The following TNXB variants were observed in gnomAD, a reference collection of about 807,000 sequenced individuals.
TNXB encodes the protein tenascin XB.
Under a neutral mutation model 340.5 loss-of-function variants are expected in TNXB, and 183 were observed. The observed-to-expected ratio is 0.54, with a 90% CI of 0.48 to 0.61. The LOEUF is 0.61. Among genes scored for constraint, TNXB ranks in the 20% least tolerant of loss-of-function variants. TNXB has a pLI of 0.00. For missense variants in TNXB, 4,613 were observed against 5,446.4 expected (o/e 0.85, Z 4.82); for synonymous variants, 2,121 against 2,314.5 (o/e 0.92, Z 2.40).
chr6:32,080,368 G>A lies in TNXB; in HGVS notation c.4042+1000C>T, dbSNP rs1779367607. 6.6e-6 allele frequency among the ~76,000 whole-genome samples: 1 copy of A among 152,146 alleles called. No individual in the cohort carries two copies. Among genetic ancestry groups the A allele is most frequent in the Non-Finnish European group, 1.5e-5 (1 of 68,026 alleles). ...TGGGACTACAGGCACCTGCCACCAT[G>A]CCTGGCTAATTTTTTGTATTTTTAG... On this transcript the variant is annotated intron_variant, in intron 10 of 43. Coordinates refer to ENST00000644971, the MANE Select transcript of TNXB (RefSeq NM_001365276.2). This position sits in a 1 kb window ranked among gnomAD's most constrained non-coding sequence, Gnocchi z 4.3.
rs1779695076 is a variant in TNXB, at chr6:32,085,083, T to A, written c.3149-374A>T. 6.6e-6 allele frequency among the ~76,000 whole-genome samples: 1 copy of A among 152,084 alleles called. No homozygotes were observed. The highest frequency in any genetic ancestry group is 1.5e-5 in the Non-Finnish European group (1 of 68,008). On this transcript the variant is annotated intron_variant, in intron 7 of 43. Transcript: ENST00000644971. This position sits in a 1 kb window ranked among gnomAD's most constrained non-coding sequence, Gnocchi z 6.4. The stretch of plus-strand genomic sequence containing the variant: ...TCTCTCTTACCACCCTCTCTTCCAG[T>A]GGTGAGCTTGACCTGGAGCTGGGGG...
At chr6:32,076,854 C>T (rs1779107434) in intron 11 of TNXB, among the ~76,000 whole-genome samples, 1 of 151,944 alleles carries the variant, frequency 6.6e-6, no homozygotes, top group Non-Finnish European at 1.5e-5. Context: ...TGGTGGTGGG[C>T]GCCTGTAATC....
At position 32,096,172 on chromosome 6, in the gene TNXB, CG is replaced by C. The variant is rs1489708596; in HGVS notation, c.1680del (p.Gly562AlafsTer9). On this transcript the variant is annotated frameshift_variant, in exon 3 of 44. Transcript: ENST00000644971. LOFTEE classifies it high-confidence loss of function. ...SGEDCSTRSC[P>X]GGCRGRGQCL... ...CACTGGCCGCGGCCTCGGCAGCCCCCGGGGCAGCTGCGCGTGCTGCAGTCTT... is the reference window on the plus strand; with the variant it reads ...CACTGGCCGCGGCCTCGGCAGCCCCCGGGCAGCTGCGCGTGCTGCAGTCTT... The C allele has an allele frequency of 3.8e-6, 6 of 1,574,702 alleles. No homozygotes were observed. Among genetic ancestry groups the C allele is most frequent in the Non-Finnish European group, 4.3e-6 (5 of 1,162,742 alleles).
Position 32,081,730 on chromosome 6 carries a change from G to C in TNXB, c.3737-57C>G, listed in dbSNP as rs542100727. The C allele has an allele frequency of 1.5e-6, 2 of 1,367,998 alleles. No homozygotes were observed. Among genetic ancestry groups the C allele is most frequent in the East Asian group, 5.0e-5 (2 of 39,706 alleles). The allele number at this position is 1,367,998 out of a possible 1,614,324, so 84.7% of individuals were successfully genotyped here. A position where few individuals can be genotyped will look rare whatever the true frequency, so the allele number is the denominator to read the frequency against. ...ACTGGCAGCCTGGGACTGGGGCTTGGGGTTTCGACGGGATGTCACACCTAT... is the reference window on the plus strand; with the variant it reads ...ACTGGCAGCCTGGGACTGGGGCTTGCGGTTTCGACGGGATGTCACACCTAT... On this transcript the variant is annotated intron_variant, in intron 9 of 43. Coordinates refer to ENST00000644971, the MANE Select transcript of TNXB (RefSeq NM_001365276.2). The surrounding 1 kb of genome is among the most constrained non-coding windows in gnomAD (Gnocchi z 5.1).
rs756884084 is a variant in TNXB at position 32,068,757 on chromosome 6, G to A, written c.5903-50C>T. 2 of 1,596,552 alleles carry A rather than the reference G, an allele frequency of 1.3e-6. No homozygotes were observed. Among genetic ancestry groups the A allele is most frequent in the Non-Finnish European group, 1.7e-6 (2 of 1,169,544 alleles). On this transcript the variant is annotated intron_variant, in intron 16 of 43. Transcript: ENST00000644971. The surrounding 1 kb of genome is among the most constrained non-coding windows in gnomAD (Gnocchi z 5.3). ...GACTGAGGTGGGCAGGGTATCCGCG[G>A]GACTCTGCTGTCCTCTGGACTCTCC...
In TNXB at chr6:32,046,284, C is replaced by G; in HGVS notation, c.10497G>C (p.Gln3499His). 1 of 1,606,694 alleles carries G rather than the reference C, an allele frequency of 6.2e-7. No individual in the cohort carries two copies. The highest frequency in any genetic ancestry group is 8.5e-7 in the Non-Finnish European group (1 of 1,178,194). The change falls in exon 31 of 44, where the codon CAG becomes CAC. Residue 3499 changes from glutamine to histidine, a missense_variant. By Grantham distance (24) the Gln-to-His change is conservative. Transcript: ENST00000644971. This position sits in a 1 kb window ranked among gnomAD's most constrained non-coding sequence, Gnocchi z 6.9. Reference protein sequence around the residue: ...QPRAVPVAADQRTVTVEDLEP... With the variant: ...QPRAVPVAADHRTVTVEDLEP... The stretch of plus-strand genomic sequence containing the variant: ...CCAGGTCCTCTACGGTGACTGTGCG[C>G]TGGTCTGCGGCCACAGGCACTGCCC...
chr6:32,058,501 G>C lies in TNXB; in HGVS notation c.7493-111C>G. Reference sequence around the variant, plus strand: ...AATGTGCCCCTCCAGAGCAGGCTGAGGGCTGGGGCAGCTTTGTGTTCGCCG... The same window carrying C: ...AATGTGCCCCTCCAGAGCAGGCTGACGGCTGGGGCAGCTTTGTGTTCGCCG... On this transcript the variant is annotated intron_variant, in intron 21 of 43. Coordinates refer to ENST00000644971, the MANE Select transcript of TNXB (RefSeq NM_001365276.2). The surrounding 1 kb of genome is among the most constrained non-coding windows in gnomAD (Gnocchi z 5.1). 2 of 933,532 alleles carry C rather than the reference G, an allele frequency of 2.1e-6. No homozygotes were observed. The highest frequency in any genetic ancestry group is 1.6e-6 in the Non-Finnish European group (1 of 642,012). The allele number at this position is 933,532 out of a possible 1,614,324, so 57.8% of individuals were successfully genotyped here.
rs1204211696 is a variant in TNXB at position 32,055,846 on chromosome 6, C to A, written c.8467+5G>T. On this transcript the variant is annotated splice_donor_5th_base_variant and intron_variant, in intron 24 of 43. Coordinates refer to ENST00000644971, the MANE Select transcript of TNXB (RefSeq NM_001365276.2). ...GGGCCATCTTCCTCACTCACAAACA[C>A]TCACCTGTCACACCCACGGTGGACA... 2 of 1,607,814 alleles carry A rather than the reference C, an allele frequency of 1.2e-6. No individual in the cohort carries two copies. Among genetic ancestry groups the A allele is most frequent in the Non-Finnish European group, 1.7e-6 (2 of 1,175,480 alleles).
Position 32,042,559 on chromosome 6 carries a change from T to A in TNXB, c.12106A>T (p.Asn4036Tyr), listed in dbSNP as rs752587550. ...CTGGTCCTGGAGGCACCGGCTCCGTTCTGCATCTCCTCCCCGCAGTCCCTG... is the reference window on the plus strand; with the variant it reads ...CTGGTCCTGGAGGCACCGGCTCCGTACTGCATCTCCTCCCCGCAGTCCCTG... ...FPRDCGEEMQ[N>Y]GAGASRTSTI... The change falls in exon 40 of 44, where the codon AAC becomes TAC. Residue 4036 changes from asparagine to tyrosine, a missense_variant. Around this residue, in one of 7 missense-constraint regions of TNXB, gnomAD observed 121 missense variants for 177.4 expected, o/e 0.68. Coordinates refer to ENST00000644971, the MANE Select transcript of TNXB (RefSeq NM_001365276.2). 2 of 1,608,074 alleles carry A rather than the reference T, an allele frequency of 1.2e-6. No homozygotes were observed. The highest frequency in any genetic ancestry group is 3.4e-5 in the Admixed American group (2 of 59,362).
Position 32,087,622 on chromosome 6 carries a change from T to TGGGGGGGGGGGGGGG in TNXB, c.2779+1162_2779+1163insCCCCCCCCCCCCCCC. 3.3e-5 allele frequency: 1 copy of TGGGGGGGGGGGGGGG among 30,684 alleles called. No individual in the cohort carries two copies. The highest frequency in any genetic ancestry group is 7.9e-5 in the Non-Finnish European group (1 of 12,670). 1.9% of individuals were successfully genotyped at this position (30,684 alleles called of 1,614,324 possible). On this transcript the variant is annotated intron_variant, in intron 6 of 43. Coordinates refer to ENST00000644971, the MANE Select transcript of TNXB (RefSeq NM_001365276.2). This position sits in a 1 kb window ranked among gnomAD's most constrained non-coding sequence, Gnocchi z 9.0. ...ATCAGGGCTGGCGGTGGGGCGGGGG[T>TGGGGGGGGGGGGGGG]GGCGGGGCGGGGGTGCGGGGGAGCC...
In TNXB at chr6:32,049,466, G is replaced by A. The variant is rs376258289; in HGVS notation, c.9561C>T (p.Thr3187=). 2.8e-4 allele frequency: 459 copies of A among 1,612,588 alleles called. No individual in the cohort carries two copies. Among genetic ancestry groups the A allele is most frequent in the Non-Finnish European group, 3.5e-4 (415 of 1,179,886 alleles). ...AGGAGTCGAAGCGGCCCTGGGGGACGGTCCAGGAGAGGCTCAGCGAGTCAG... is the reference window on the plus strand; with the variant it reads ...AGGAGTCGAAGCGGCCCTGGGGGACAGTCCAGGAGAGGCTCAGCGAGTCAG... ...SSPDSLSLSW[T]VPQGRFDSFT... The change falls in exon 28 of 44, where the codon ACC becomes ACT. Residue 3187 remains threonine, a synonymous_variant. Transcript: ENST00000644971. The surrounding 1 kb of genome is among the most constrained non-coding windows in gnomAD (Gnocchi z 4.5).
Position 32,059,678 on chromosome 6 carries a change from G to A in TNXB, c.7493-1288C>T, listed in dbSNP as rs563629897. ...TTCCAATAATTTCCCTATTCCCCCT[G>A]TTTCCCAACACTCAGATGGTCCTCT... On this transcript the variant is annotated intron_variant, in intron 21 of 43. Transcript: ENST00000644971. 1.6e-4 allele frequency among the ~76,000 whole-genome samples: 24 copies of A among 151,914 alleles called. 1 individual carries two copies. The highest frequency in any genetic ancestry group is 5.8e-4 in the African/African-American group (24 of 41,196).
rs778439510 is a variant in TNXB, at chr6:32,052,880, T to A, written c.8905A>T (p.Ser2969Cys). The A allele has an allele frequency of 6.2e-7, 1 of 1,613,050 alleles. No individual in the cohort carries two copies. ...TVTGSSPDSL[S>C]LSWTIPQGRF... ...CCCTGGGGGATGGTCCAGGAGAGGCTCAGCGAGTCAGGGGAGGATCCTGTC... is the reference window on the plus strand; with the variant it reads ...CCCTGGGGGATGGTCCAGGAGAGGCACAGCGAGTCAGGGGAGGATCCTGTC... The change falls in exon 26 of 44, where the codon AGC becomes TGC. Residue 2969 changes from serine (S) to cysteine (C), a missense_variant. This residue lies in a region of TNXB where 4,327 missense variants were observed against 4,859.4 expected (regional missense o/e 0.89). Transcript: ENST00000644971. This position sits in a 1 kb window ranked among gnomAD's most constrained non-coding sequence, Gnocchi z 4.7.
chr6:32,094,216 G>T (rs1780210805), intron 4 of TNXB, among the ~76,000 whole-genome samples: 1 of 147,734 alleles, frequency 6.8e-6, no homozygotes, highest in Non-Finnish European at 1.5e-5. Context: ...CAAAATTATT[G>T]CAACAGCCTA....
In TNXB at chr6:32,081,647, G is replaced by T. The variant is rs376472382; in HGVS notation, c.3763C>A (p.Arg1255Ser). 30 of 1,589,380 alleles carry T rather than the reference G, an allele frequency of 1.9e-5. No homozygotes were observed. Among genetic ancestry groups the T allele is most frequent in the Middle Eastern group, 3.3e-4 (2 of 6,022 alleles). The change falls in exon 10 of 44, where the codon CGC becomes AGC. Residue 1255 changes from arginine to serine, a missense_variant. By Grantham distance (110) the Arg-to-Ser change is moderately radical. Transcript: ENST00000644971. The surrounding 1 kb of genome is among the most constrained non-coding windows in gnomAD (Gnocchi z 5.1). ...AGGGGCTGCTCCAGGAACTCAGGGC[G>T]GGGGGGCTCCTCTTTCCTCTCTGGA... is the stretch of plus-strand genomic sequence containing the variant. ...TAPERKEEPP[R>S]PEFLEQPLLG...
intron 22 of TNXB, among the ~76,000 whole-genome samples, 186 bp downstream of exon 22, chr6:32,057,872 T>C (rs1009889659): frequency 2.0e-5 from 3 of 152,188 alleles, no homozygotes; most frequent in African/African-American, 4.8e-5. Context: ...CCCTATCACA[T>C]GCTCACCCGC....
chr6:32,047,668 G>C lies in TNXB; in HGVS notation c.10324+66C>G. On this transcript the variant is annotated intron_variant, in intron 30 of 43. Transcript: ENST00000644971. This position sits in a 1 kb window ranked among gnomAD's most constrained non-coding sequence, Gnocchi z 6.2. ...GAGGGAATCTCACGGGAAGGCTGCA[G>C]GGCCAGCTCTGAGGGCTCGGATGAG... The C allele has an allele frequency of 6.7e-7, 1 of 1,502,942 alleles. No homozygotes were observed. Among genetic ancestry groups the C allele is most frequent in the Non-Finnish European group, 8.9e-7 (1 of 1,128,016 alleles). The allele number at this position is 1,502,942 out of a possible 1,614,324, so 93.1% of individuals were successfully genotyped here.
Position 32,067,634 on chromosome 6 carries a change from C to A in TNXB, c.6544+27G>T. On this transcript the variant is annotated intron_variant, in intron 18 of 43. Coordinates refer to ENST00000644971, the MANE Select transcript of TNXB (RefSeq NM_001365276.2). This position sits in a 1 kb window ranked among gnomAD's most constrained non-coding sequence, Gnocchi z 4.2. Reference sequence around the variant, plus strand: ...AGGCTGTACTTTGCTAAGACCCAACCCAGAGGGCTCTGCAGTGCACACTCA... The same window carrying A: ...AGGCTGTACTTTGCTAAGACCCAACACAGAGGGCTCTGCAGTGCACACTCA... 6.2e-7 allele frequency: 1 copy of A among 1,604,836 alleles called. No homozygotes were observed. Among genetic ancestry groups the A allele is most frequent in the Non-Finnish European group, 8.5e-7 (1 of 1,174,222 alleles).
rs1258018481 is a variant in TNXB at position 32,061,105 on chromosome 6, T to C, written c.7492+292A>G. On this transcript the variant is annotated intron_variant, in intron 21 of 43. Coordinates refer to ENST00000644971, the MANE Select transcript of TNXB (RefSeq NM_001365276.2). The surrounding 1 kb of genome is among the most constrained non-coding windows in gnomAD (Gnocchi z 4.4). Reference sequence around the variant, plus strand: ...TTGTGTGCATTTGTGTATGTGGTTATAACAAAGAATGCTGTTATTAAGATG... The same window carrying C: ...TTGTGTGCATTTGTGTATGTGGTTACAACAAAGAATGCTGTTATTAAGATG... Among the ~76,000 whole-genome samples, 1 of 151,964 alleles carries C rather than the reference T, an allele frequency of 6.6e-6. No homozygotes were observed. Among genetic ancestry groups the C allele is most frequent in the Non-Finnish European group, 1.5e-5 (1 of 68,036 alleles).
Sources: gnomAD v4.1 joint callset for allele counts (sites outside exome capture counted in the v4.1 genomes callset) on GRCh38, gnomAD v4.1.1 for gene constraint, gnomAD v4.1.1 regional missense constraint, Gnocchi (gnomAD v3.1) non-coding constraint, MANE v1.5 for transcripts, NCBI Gene and HGNC (gene_info 2026-07-23, HGNC 2026-07-21) for gene names.